TTC21A: variants seen among roughly 807,000 people sequenced by gnomAD.
The protein encoded by TTC21A is tetratricopeptide repeat protein 21A.
A neutral mutation model predicts 156.4 loss-of-function variants in TTC21A; 128 were observed. The ratio of observed to expected loss-of-function variants is 0.82; its 90% CI spans 0.71 to 0.95. The LOEUF is 0.95. Ranked by LOEUF, TTC21A falls within the 40% of genes least tolerant of loss-of-function variation. The pLI, the probability that TTC21A is intolerant of heterozygous loss-of-function variation, is 0.00. For missense variants in TTC21A, 1,435 were observed against 1,602.3 expected (o/e 0.90, Z 1.78); for synonymous variants, 587 against 617.1 (o/e 0.95, Z 0.72).
At chr3:39,129,572 G>A (rs1284460858) in intron 15 of TTC21A, among the ~76,000 whole-genome samples, 9 of 152,220 alleles carry the variant, frequency 5.9e-5, no homozygotes. Flanking sequence ...GTGGGAGACT[G>A]TAGGCCTGGT....
intron 22 of TTC21A, 113 bp from the exon 23 acceptor site, chr3:39,136,243 TC>T: frequency 9.1e-7 from 1 of 1,099,048 alleles, no homozygotes. Context: ...TGTTGGAATG[TC>T]CCTGCTCAGC....
intron 8 of TTC21A, among the ~76,000 whole-genome samples, chr3:39,120,655 G>A (rs761849302): frequency 2.0e-5 from 3 of 152,192 alleles, no homozygotes; most frequent in Non-Finnish European, 4.4e-5. Context: ...AGGGAACATG[G>A]CTGATGGCAG....
At chr3:39,108,176 G>A (rs777434312) in intron 1 of TTC21A, 9 of 556,594 alleles carry the variant, frequency 1.6e-5, no homozygotes, top group Non-Finnish European at 2.9e-5. Context: ...CACCCCAGTT[G>A]ATGGCTTCAC....
intron 5 of TTC21A, among the ~76,000 whole-genome samples, chr3:39,114,186 C>G (rs577149348): frequency 6.6e-6 from 1 of 152,176 alleles, no homozygotes; most frequent in Non-Finnish European, 1.5e-5. Flanking sequence ...TGGGCCTTGG[C>G]GAGCAATTTC....
In TTC21A at chr3:39,136,945, C is replaced by G. The variant is rs200397655; in HGVS notation, c.3142C>G (p.Arg1048Gly). The G allele has an allele frequency of 6.2e-7, 1 of 1,614,244 alleles. No homozygotes were observed. Among genetic ancestry groups the G allele is most frequent in the Non-Finnish European group, 8.5e-7 (1 of 1,180,050 alleles). Residue 1048 changes from arginine (R) to glycine (G), a missense_variant, in exon 24 of 29, where the codon CGC becomes GGC. Coordinates refer to ENST00000683103, the MANE Select transcript of TTC21A (RefSeq NM_001366900.1). ...NEALKFLNKA[R>G]KDSTWGQSAI... ...AGCCTTAAAGTTCCTGAACAAGGCA[C>G]GCAAGGACAGCACTTGGGGCCAGAG...
rs775333030 is a variant in TTC21A, at chr3:39,125,130, G to A, written c.1161G>A (p.Lys387=). The A allele has an allele frequency of 2.5e-6, 4 of 1,613,868 alleles. No homozygotes were observed. Among genetic ancestry groups the A allele is most frequent in the Non-Finnish European group, 3.4e-6 (4 of 1,180,006 alleles). ...EEAEYRLEFL[K]EVQKSLGKSE... is the part of the protein sequence containing the mutation. ...CTGAGTACCGGCTGGAATTCCTGAA[G>A]GAGGTGCAGAAGTCCCTTGGGAAGT... The change falls in exon 10 of 29, where the codon AAG becomes AAA. Residue 387 remains lysine, a synonymous_variant. Coordinates refer to ENST00000683103, the MANE Select transcript of TTC21A (RefSeq NM_001366900.1).
chr3:39,125,387 A>C lies in TTC21A; in HGVS notation c.1247A>C (p.Glu416Ala). The change falls in exon 11 of 29, where the codon GAG becomes GCG. Residue 416 changes from glutamate (E) to alanine (A), a missense_variant. Coordinates refer to ENST00000683103, the MANE Select transcript of TTC21A (RefSeq NM_001366900.1). ...TCCAGGAAGCACAAGGGGGAGGAAG[A>C]GACCACAGCGCTCCTGAAGGAGGCA... ...LMSRKHKGEE[E>A]TTALLKEAVE... The C allele has an allele frequency of 6.2e-7, 1 of 1,614,244 alleles. No homozygotes were observed. The highest frequency in any genetic ancestry group is 8.5e-7 in the Non-Finnish European group (1 of 1,180,040).
Position 39,134,405 on chromosome 3 carries a change from T to G in TTC21A, c.2862+77T>G. The G allele has an allele frequency of 9.7e-7, 1 of 1,033,910 alleles. No individual in the cohort carries two copies. Among genetic ancestry groups the G allele is most frequent in the South Asian group, 1.3e-5 (1 of 79,602 alleles). The allele number at this position is 1,033,910 out of a possible 1,614,324, so 64.0% of individuals were successfully genotyped here. ...GTCCCTGTGACCAGATGCAGGCTAC[T>G]TCCTAGCCCCGTAACCTCAGATGCC... On this transcript the variant is annotated intron_variant, in intron 21 of 28. Coordinates refer to ENST00000683103, the MANE Select transcript of TTC21A (RefSeq NM_001366900.1). The surrounding 1 kb of genome is among the most constrained non-coding windows in gnomAD (Gnocchi z 4.6).
intron 22 of TTC21A, chr3:39,136,057 CAAA>C (rs57239506): frequency 9.6e-4 from 93 of 96,378 alleles, no homozygotes; most frequent in Middle Eastern, 4.8e-3. Context: ...GACTCCGTCT[CAAA>C]AAAAAAAAAA....
At chr3:39,110,364 A>G in intron 3 of TTC21A, 1 of 601,352 alleles carries the variant, frequency 1.7e-6, no homozygotes. Context: ...AGCCCATGAC[A>G]GTGGGAGGGG....
Position 39,131,061 on chromosome 3 carries a change from A to G in TTC21A, c.2528A>G (p.His843Arg), listed in dbSNP as rs998483830. ...LLLLAKVYKSHKKEAVIETLN... is the reference protein window; with the variant it reads ...LLLLAKVYKSRKKEAVIETLN... ...TTGCTGGCAAAGGTTTACAAGAGCCATAAAAAAGAAGCTGTGATAGAAACT... is the reference window on the plus strand; with the variant it reads ...TTGCTGGCAAAGGTTTACAAGAGCCGTAAAAAAGAAGCTGTGATAGAAACT... The change falls in exon 19 of 29, where the codon CAT becomes CGT. Residue 843 changes from histidine to arginine, a missense_variant. Physicochemically the swap from His to Arg is conservative, Grantham distance 29. Coordinates refer to ENST00000683103, the MANE Select transcript of TTC21A (RefSeq NM_001366900.1). 6 of 1,612,462 alleles carry G rather than the reference A, an allele frequency of 3.7e-6. No homozygotes were observed. Among genetic ancestry groups the G allele is most frequent in the Middle Eastern group, 1.6e-4 (1 of 6,062 alleles).
intron 9 of TTC21A, among the ~76,000 whole-genome samples, chr3:39,124,754 G>C (rs565543419): frequency 3.5e-4 from 53 of 150,410 alleles, no homozygotes; most frequent in Non-Finnish European, 5.9e-4. Flanking sequence ...ATGCTCATGT[G>C]TACATATATA....
chr3:39,110,125 G>A lies in TTC21A; in HGVS notation c.254G>A (p.Arg85Lys). 1 of 1,613,832 alleles carries A rather than the reference G, an allele frequency of 6.2e-7. No homozygotes were observed. Among genetic ancestry groups the A allele is most frequent in the African/African-American group, 1.3e-5 (1 of 75,032 alleles). ...STMALIYAHKRCEIIDREAIQ... is the reference protein window; with the variant it reads ...STMALIYAHKKCEIIDREAIQ... ...ATGGCCCTCATTTATGCTCACAAAA[G>A]ATGTGAAATCATTGGTGAGTGCCAC... The change falls in exon 3 of 29, where the codon AGA (arginine) becomes AAA (lysine). Residue 85 changes from arginine to lysine, a missense_variant. Physicochemically the swap from Arg to Lys is conservative, Grantham distance 26. Transcript: ENST00000683103.
chr3:39,115,119 A>G (rs1489591197), intron 6 of TTC21A, among the ~76,000 whole-genome samples: 2 of 152,238 alleles, frequency 1.3e-5, no homozygotes, highest in African/African-American at 4.8e-5. Flanking sequence ...GGTTTTTTTA[A>G]AACTATTAAG....
At chr3:39,126,512 A>ACACACACACACACACC (rs2038264344) in intron 12 of TTC21A, 122 bp downstream of exon 12, 1 of 991,076 alleles carries the variant, frequency 1.0e-6, no homozygotes, top group African/African-American at 1.7e-5. Flanking sequence ...ACACACACAC[A>ACACACACACACACACC]CACACACACT....
At position 39,137,886 on chromosome 3, in the gene TTC21A, G is replaced by A. The variant is rs539840972; in HGVS notation, c.3675+176G>A. ...CAGAATAGGAATGAGGATCAAGGGC[G>A]ATGGACCAGGTGAGAGGAGGTGCAC... is the stretch of plus-strand genomic sequence containing the variant. On this transcript the variant is annotated intron_variant, in intron 26 of 28. Transcript: ENST00000683103. The A allele has an allele frequency of 6.3e-5, 44 of 700,802 alleles. 3 individuals carry two copies. Among genetic ancestry groups the A allele is most frequent in the South Asian group, 4.8e-4 (27 of 56,264 alleles). 43.4% of individuals were successfully genotyped at this position (700,802 alleles called of 1,614,324 possible). A position where few individuals can be genotyped will look rare whatever the true frequency, so the allele number is the denominator to read the frequency against.
At position 39,134,108 on chromosome 3, in the gene TTC21A, G is replaced by C; in HGVS notation, c.2752-110G>C. 1.3e-6 allele frequency: 1 copy of C among 740,788 alleles called. No individual in the cohort carries two copies. Among genetic ancestry groups the C allele is most frequent in the East Asian group, 2.5e-5 (1 of 40,616 alleles). 45.9% of individuals were successfully genotyped at this position (740,788 alleles called of 1,614,324 possible). On this transcript the variant is annotated intron_variant, in intron 20 of 28. Transcript: ENST00000683103. This position sits in a 1 kb window ranked among gnomAD's most constrained non-coding sequence, Gnocchi z 4.6. Reference sequence around the variant, plus strand: ...ACGTGGGGAATTCGAGACATATTTTGAAGGCAGAGCTGATAGAAGTGGGGT... The same window carrying C: ...ACGTGGGGAATTCGAGACATATTTTCAAGGCAGAGCTGATAGAAGTGGGGT...
In TTC21A at chr3:39,114,631, T is replaced by C; in HGVS notation, c.605T>C (p.Val202Ala). The C allele has an allele frequency of 6.2e-7, 1 of 1,614,062 alleles. No homozygotes were observed. The highest frequency in any genetic ancestry group is 8.5e-7 in the Non-Finnish European group (1 of 1,179,982). The stretch of plus-strand genomic sequence containing the variant: ...CAGAACTACTCAGAGGCCCTGGAGG[T>C]GGTGAACCAGATCACTGTGACTTCA... ...MQQNYSEALE[V>A]VNQITVTSGS... The change falls in exon 6 of 29, where the codon GTG (valine) becomes GCG (alanine). Residue 202 changes from valine to alanine, a missense_variant. Transcript: ENST00000683103.
chr3:39,138,414 G>A (rs2039298377), intron 27 of TTC21A, 27 bp downstream of exon 27: 1 of 1,613,698 alleles, frequency 6.2e-7, no homozygotes, highest in Admixed American at 1.7e-5. Flanking sequence ...GGGTGCACGT[G>A]AATGGACGTG....
Sources: allele counts gnomAD v4.1 joint callset (sites outside exome capture counted in the v4.1 genomes callset), GRCh38; gene constraint gnomAD v4.1.1; non-coding constraint Gnocchi (gnomAD v3.1); transcripts MANE v1.5; gene names NCBI Gene and HGNC (gene_info 2026-07-23, HGNC 2026-07-21).